TUSC3: variants seen among roughly 807,000 people sequenced by gnomAD.
The protein encoded by TUSC3 is tumor suppressor candidate 3, also known as dolichyl-diphosphooligosaccharide--protein glycosyltransferase subunit TUSC3.
TUSC3 carries 45 observed loss-of-function variants against 44.8 expected under a neutral mutation model. The observed-to-expected ratio is 1.00, with a 90% CI of 0.79 to 1.29. TUSC3 has a LOEUF of 1.29. Ranked by LOEUF, TUSC3 falls within the 50% of genes most tolerant of loss-of-function variation. TUSC3 has a pLI of 0.00. For missense variants in TUSC3, 519 were observed against 437.9 expected (o/e 1.19, Z -1.65); for synonymous variants, 212 against 152.9 (o/e 1.39, Z -2.85).
the TUSC3 span, among the ~76,000 whole-genome samples, chr8:15,836,027 G>T: frequency 6.6e-6 from 1 of 151,852 alleles, no homozygotes; most frequent in Non-Finnish European, 1.5e-5. Context: ...CTTTATTTCA[G>T]TTTTTTTCTG....
At chr8:15,820,414 C>T in the TUSC3 span, among the ~76,000 whole-genome samples, 2 of 150,404 alleles carry the variant, frequency 1.3e-5, no homozygotes, top group Non-Finnish European at 2.9e-5. Context: ...CAGGTTCAAG[C>T]GATCAAGCGA....
chr8:15,424,411 C>G (rs1268839941), intron 1 of TUSC3, among the ~76,000 whole-genome samples: 1 of 152,010 alleles, frequency 6.6e-6, no homozygotes, highest in Non-Finnish European at 1.5e-5. Context: ...TGGACTATGT[C>G]TAGAGGGAGG....
At chr8:15,680,360 G>A (rs773247694) in intron 6 of TUSC3, among the ~76,000 whole-genome samples, 3 of 151,702 alleles carry the variant, frequency 2.0e-5, no homozygotes, top group Non-Finnish European at 4.4e-5. Context: ...TATGTTTGTG[G>A]CAGTTGTGAA....
At chr8:15,805,776 T>A in the TUSC3 span, among the ~76,000 whole-genome samples, 17 of 152,086 alleles carry the variant, frequency 1.1e-4, no homozygotes, top group Non-Finnish European at 2.4e-4. Flanking sequence ...TGGTTTTCCT[T>A]TTTTGTTGTG....
intron 2 of TUSC3, among the ~76,000 whole-genome samples, chr8:15,487,620 T>G (rs10100318): frequency 6.6e-6 from 1 of 152,250 alleles, no homozygotes; most frequent in African/African-American, 2.4e-5. Flanking sequence ...GTTTTTAGAT[T>G]CTCAATCTTT....
At chr8:15,683,619 G>A (rs1808510323) in intron 6 of TUSC3, among the ~76,000 whole-genome samples, 3 of 152,168 alleles carry the variant, frequency 2.0e-5, no homozygotes, top group South Asian at 2.1e-4. Flanking sequence ...TCCAGGTTCT[G>A]AATTTATATC....
At chr8:15,715,414 A>T (rs935545828) in intron 6 of TUSC3, among the ~76,000 whole-genome samples, 10 of 152,074 alleles carry the variant, frequency 6.6e-5, no homozygotes, top group Non-Finnish European at 8.8e-5. Flanking sequence ...TGATCTGTCA[A>T]CCTGATAACT....
chr8:15,846,889 A>AAAC, the TUSC3 span, among the ~76,000 whole-genome samples: 16 of 150,434 alleles, frequency 1.1e-4, no homozygotes, highest in East Asian at 7.8e-4. Context: ...AAAAAAAAAA[A>AAAC]ACACACACAC....
intron 1 of TUSC3, among the ~76,000 whole-genome samples, chr8:15,467,596 C>T (rs935891395): frequency 2.0e-5 from 3 of 152,116 alleles, no homozygotes; most frequent in Non-Finnish European, 4.4e-5. Context: ...AGCCTTTTCT[C>T]ATTTGCGCCT....
chr8:15,597,409 G>C (rs1032355999), intron 1 of TUSC3, among the ~76,000 whole-genome samples: 4 of 152,076 alleles, frequency 2.6e-5, no homozygotes, highest in Non-Finnish European at 5.9e-5. Flanking sequence ...TTAGTTGCTA[G>C]TATATGTATG....
intron 2 of TUSC3, among the ~76,000 whole-genome samples, chr8:15,512,668 G>C (rs1041592272): frequency 6.6e-6 from 1 of 151,772 alleles, no homozygotes. Context: ...AGCTAGATGG[G>C]AGGCTGAGGC....
intron 1 of TUSC3, among the ~76,000 whole-genome samples, chr8:15,462,315 A>G (rs1240178850): frequency 6.6e-6 from 1 of 152,152 alleles, no homozygotes; most frequent in African/African-American, 2.4e-5. Context: ...CAACTCAATA[A>G]TAAAGAAACA....
At chr8:15,712,066 T>C (rs1254131499) in intron 6 of TUSC3, among the ~76,000 whole-genome samples, 1 of 151,986 alleles carries the variant, frequency 6.6e-6, no homozygotes, top group East Asian at 1.9e-4. Context: ...CATAATAATT[T>C]TTATTTTCTA....
chr8:15,682,363 AT>A (rs889196404), intron 6 of TUSC3, among the ~76,000 whole-genome samples: 6 of 152,182 alleles, frequency 3.9e-5, no homozygotes, highest in Non-Finnish European at 7.4e-5. Flanking sequence ...GGATTCATAT[AT>A]ATTTAAGATA....
intron 9 of TUSC3, among the ~76,000 whole-genome samples, chr8:15,756,285 A>C (rs978293777): frequency 1.3e-5 from 2 of 152,058 alleles, no homozygotes; most frequent in African/African-American, 2.4e-5. Flanking sequence ...CTCTATATTT[A>C]ACTTGGTTAA....
At chr8:15,460,005 C>G (rs1378587177) in intron 1 of TUSC3, among the ~76,000 whole-genome samples, 1 of 152,156 alleles carries the variant, frequency 6.6e-6, no homozygotes. Flanking sequence ...CATGCATGTG[C>G]AAGTATCTTT....
chr8:15,646,633 A>C (rs181297874), intron 2 of TUSC3, among the ~76,000 whole-genome samples: 1 of 152,038 alleles, frequency 6.6e-6, no homozygotes, highest in Non-Finnish European at 1.5e-5. Context: ...CCCTCTTAAA[A>C]CATAATATTT....
intron 10 of TUSC3, chr8:15,758,235 A>G: frequency 2.0e-6 from 2 of 1,004,076 alleles, no homozygotes; most frequent in Non-Finnish European, 2.4e-6. Context: ...AAATAATGTA[A>G]GCCTTAATAT....
chr8:15,542,838 G>A (rs919373847), intron 1 of TUSC3, among the ~76,000 whole-genome samples: 1 of 152,226 alleles, frequency 6.6e-6, no homozygotes, highest in African/African-American at 2.4e-5. Context: ...CAGTATTACA[G>A]TGTATGTATA....
Sources: gnomAD v4.1 joint callset for allele counts (sites outside exome capture counted in the v4.1 genomes callset) on GRCh38, gnomAD v4.1.1 for gene constraint, MANE v1.5 for transcripts, NCBI Gene and HGNC (gene_info 2026-07-23, HGNC 2026-07-21) for gene names.